Variants in PPFIBP2 observed in about 807,000 individuals in gnomAD.
PPFIBP2 encodes liprin-beta-2.
In PPFIBP2, 118 loss-of-function variants were observed where a neutral mutation model predicts 118.3. That is an observed-to-expected ratio of 1.00 (90% CI 0.86 to 1.16). The LOEUF is 1.16. Among genes scored for constraint, PPFIBP2 ranks in the 50% most tolerant of loss-of-function variants. The probability of loss-of-function intolerance (pLI) is 0.00; values close to 1 mark genes in which losing one functional copy is unlikely to be tolerated. For missense variants in PPFIBP2, 1,195 were observed against 1,073.1 expected, an observed-to-expected ratio of 1.11 and a Z score of -1.59; for synonymous variants, 414 against 397.4, an observed-to-expected ratio of 1.04 and a Z score of -0.50.
chr11:7,665,307 G>C, the PPFIBP2 span: 1 of 1,303,662 alleles, frequency 7.7e-7, no homozygotes, highest in Non-Finnish European at 1.0e-6. Flanking sequence ...AGTTTACCGT[G>C]GTGAAATTGA....
chr11:7,661,016 T>C (rs185375375), downstream of PPFIBP2, among the ~76,000 whole-genome samples: 80,381 of 149,962 alleles, frequency 0.54, 22,963 homozygotes, highest in Non-Finnish European at 0.64. Flanking sequence ...TTTTTTATTG[T>C]GTCTATTTGA....
chr11:7,605,714 T>G, intron 5 of PPFIBP2: 2 of 1,336,582 alleles, frequency 1.5e-6, no homozygotes, highest in East Asian at 2.9e-5. Context: ...GAAAATAGAG[T>G]TACTAAGTAA....
downstream of PPFIBP2, among the ~76,000 whole-genome samples, chr11:7,656,014 G>A (rs11601984): frequency 0.033 from 5,056 of 152,242 alleles, 128 homozygotes; most frequent in Middle Eastern, 0.092. Flanking sequence ...GTTTGGCCTC[G>A]AAAAGCAGCT....
At chr11:7,630,035 G>T (rs1850547831) in intron 10 of PPFIBP2, among the ~76,000 whole-genome samples, 1 of 152,220 alleles carries the variant, frequency 6.6e-6, no homozygotes, top group Admixed American at 6.5e-5. Context: ...TATATTTGCT[G>T]CCCAGACTGA....
chr11:7,550,385 C>A (rs1394156052), intron 2 of PPFIBP2, among the ~76,000 whole-genome samples: 1 of 152,138 alleles, frequency 6.6e-6, no homozygotes, highest in Non-Finnish European at 1.5e-5. Context: ...ACACAGAGTA[C>A]CTGACACTGC....
At position 7,565,577 on chromosome 11, in the gene PPFIBP2, G is replaced by C; in HGVS notation, c.89G>C (p.Ser30Thr). 1 of 1,614,232 alleles carries C rather than the reference G, an allele frequency of 6.2e-7. No individual in the cohort carries two copies. Among genetic ancestry groups the C allele is most frequent in the Non-Finnish European group, 8.5e-7 (1 of 1,180,040 alleles). Residue 30 changes from serine to threonine, a missense_variant, in exon 3 of 24, where the codon AGT (serine) becomes ACT (threonine). Physicochemically the swap from Ser to Thr is moderately conservative, Grantham distance 58. Coordinates refer to ENST00000299492, the MANE Select transcript of PPFIBP2 (RefSeq NM_003621.5). Reference sequence around the variant, plus strand: ...GGCACTAAAACAGGTGCAGATCTTAGTGATGGTACTTGTGAGCCTGGACTG... The same window carrying C: ...GGCACTAAAACAGGTGCAGATCTTACTGATGGTACTTGTGAGCCTGGACTG... ...IAGTKTGADL[S>T]DGTCEPGLAS...
chr11:7,637,683 G>A (rs1851627639), intron 14 of PPFIBP2, among the ~76,000 whole-genome samples: 1 of 152,232 alleles, frequency 6.6e-6, no homozygotes, highest in African/African-American at 2.4e-5. Context: ...AACTGGAGTT[G>A]AGCATCCTTG....
chr11:7,534,577 G>T (rs1233795174), intron 1 of PPFIBP2, among the ~76,000 whole-genome samples: 1 of 152,160 alleles, frequency 6.6e-6, no homozygotes, highest in Non-Finnish European at 1.5e-5. Flanking sequence ...AAGTTCTGGG[G>T]CTGAGGAGGC....
chr11:7,598,719 T>C (rs1590473150), intron 5 of PPFIBP2, among the ~76,000 whole-genome samples: 1 of 152,184 alleles, frequency 6.6e-6, no homozygotes, highest in East Asian at 1.9e-4. Flanking sequence ...CTTATAATCT[T>C]TCCTCCAAAA....
intron 7 of PPFIBP2, among the ~76,000 whole-genome samples, chr11:7,625,282 C>G (rs1379574277): frequency 6.6e-6 from 1 of 152,076 alleles, no homozygotes; most frequent in African/African-American, 2.4e-5. Flanking sequence ...CTTGGCTTAC[C>G]TTTTCTTCAG....
chr11:7,558,870 C>T (rs937491243), intron 2 of PPFIBP2, among the ~76,000 whole-genome samples: 8 of 152,070 alleles, frequency 5.3e-5, no homozygotes, highest in Non-Finnish European at 1.0e-4. Context: ...GGTTTTGCTC[C>T]TTAAAATAAA....
At chr11:7,532,592 G>A (rs1455985647) in intron 1 of PPFIBP2, among the ~76,000 whole-genome samples, 2 of 152,232 alleles carry the variant, frequency 1.3e-5, no homozygotes, top group Non-Finnish European at 2.9e-5. Context: ...TCTGGCAGCA[G>A]TAGTTTCTGT....
intron 3 of PPFIBP2, among the ~76,000 whole-genome samples, chr11:7,588,579 G>A (rs1182517500): frequency 6.6e-6 from 1 of 152,240 alleles, no homozygotes; most frequent in African/African-American, 2.4e-5. Context: ...AAGAATCAAG[G>A]AGGTGTGTTG....
chr11:7,597,711 G>A (rs541789138), intron 5 of PPFIBP2, 38 bp downstream of exon 5: 4 of 1,533,652 alleles, frequency 2.6e-6, no homozygotes, highest in Non-Finnish European at 3.6e-6. Context: ...GGGTGCCGAA[G>A]CAGCTCATGT....
chr11:7,584,358 C>A (rs1857739297), intron 3 of PPFIBP2, among the ~76,000 whole-genome samples: 1 of 152,122 alleles, frequency 6.6e-6, no homozygotes, highest in African/African-American at 2.4e-5. Context: ...AATACTTAAC[C>A]TCCCCTTATA....
At chr11:7,585,020 C>G (rs1248007591) in intron 3 of PPFIBP2, among the ~76,000 whole-genome samples, 1 of 152,118 alleles carries the variant, frequency 6.6e-6, no homozygotes, top group East Asian at 1.9e-4. Context: ...AAGGAAGAAC[C>G]ATTTTAAGGC....
chr11:7,554,363 C>T (rs1853341043), intron 2 of PPFIBP2, among the ~76,000 whole-genome samples: 1 of 152,174 alleles, frequency 6.6e-6, no homozygotes. Flanking sequence ...TACTATGTAA[C>T]AAGGAATTGC....
chr11:7,593,343 A>G (rs547659214), intron 4 of PPFIBP2, 119 bp downstream of exon 4: 36 of 1,381,544 alleles, frequency 2.6e-5, no homozygotes, highest in Middle Eastern at 3.8e-4. Context: ...TCCAATGCCT[A>G]TGTTTTTAGA....
chr11:7,544,766 T>TC (rs1191878076), intron 1 of PPFIBP2, among the ~76,000 whole-genome samples: 1 of 102,294 alleles, frequency 9.8e-6, no homozygotes, highest in Non-Finnish European at 1.8e-5. Context: ...AGGGTGAGAC[T>TC]CCATCTAAAA....
Sources: allele counts gnomAD v4.1 joint callset (sites outside exome capture counted in the v4.1 genomes callset), GRCh38; gene constraint gnomAD v4.1.1; transcripts MANE v1.5; gene names NCBI Gene and HGNC (gene_info 2026-07-23, HGNC 2026-07-21).